The following SYT7 variants were observed in gnomAD, a reference collection of about 807,000 sequenced individuals.
SYT7 encodes synaptotagmin 7.
A neutral mutation model predicts 75.1 loss-of-function variants in SYT7; 29 were observed. The ratio of observed to expected loss-of-function variants is 0.39; its 90% CI spans 0.29 to 0.53. The LOEUF is 0.53. SYT7 is among the 20% of genes least tolerant of loss of function. SYT7 has a pLI of 0.77. For missense variants in SYT7, 693 were observed against 953.2 expected, an observed-to-expected ratio of 0.73 and a Z score of 3.59; for synonymous variants, 376 against 401.7, an observed-to-expected ratio of 0.94 and a Z score of 0.76.
intron 8 of SYT7, among the ~76,000 whole-genome samples, chr11:61,531,459 G>C (rs74926583): frequency 3.9e-4 from 59 of 149,546 alleles, no homozygotes; most frequent in Non-Finnish European, 4.1e-4. Context: ...AGTCTTCCTG[G>C]GGGGGGGAAG....
chr11:61,526,137 T>C (rs1036109746), intron 9 of SYT7: 8 of 152,218 alleles, frequency 5.3e-5, no homozygotes, highest in Admixed American at 1.3e-4. Context: ...CCAGAGACTC[T>C]GGAAGCACCG....
At chr11:61,556,486 T>G (rs556205140) in intron 1 of SYT7, among the ~76,000 whole-genome samples, 2 of 152,346 alleles carry the variant, frequency 1.3e-5, no homozygotes, top group Admixed American at 6.5e-5. Flanking sequence ...ATGGGATCTG[T>G]GCCGGCCTCC....
At position 61,517,092 on chromosome 11, in the gene SYT7, G is replaced by A. The variant is rs958262626; in HGVS notation, c.*1535C>T. 2.5e-5 allele frequency: 10 copies of A among 395,498 alleles called. No individual in the cohort carries two copies. Among genetic ancestry groups the A allele is most frequent in the Non-Finnish European group, 4.0e-5 (9 of 224,700 alleles). 24.5% of individuals were successfully genotyped at this position (395,498 alleles called of 1,614,324 possible). ...GCTAAGACCACGGCCACAGACTGTG[G>A]GGGCCTGGCGCCACCTGGCGGTAGT... On this transcript the variant is annotated 3_prime_UTR_variant, in exon 13 of 13. Coordinates refer to ENST00000539008, the MANE Select transcript of SYT7 (RefSeq NM_001365809.2).
At chr11:61,565,338 G>A (rs992441522) in intron 1 of SYT7, among the ~76,000 whole-genome samples, 1 of 152,130 alleles carries the variant, frequency 6.6e-6, no homozygotes, top group Admixed American at 6.5e-5. Context: ...GACATTTTTG[G>A]TGCCTATCCT....
chr11:61,533,741 C>T (rs1178673232), intron 7 of SYT7: 6 of 896,614 alleles, frequency 6.7e-6, no homozygotes, highest in Middle Eastern at 5.6e-4. Context: ...ACATGCCACA[C>T]GTGTGCACTT....
rs1295896013 is a variant in SYT7, at chr11:61,551,132, G to T, written c.215+252C>A. Reference sequence around the variant, plus strand: ...GGCAACCAGGGTTGAGGTGGGCGCAGAAGGTGCTGGCGGTGAGGGCAGCGG... The same window carrying T: ...GGCAACCAGGGTTGAGGTGGGCGCATAAGGTGCTGGCGGTGAGGGCAGCGG... On this transcript the variant is annotated intron_variant, in intron 3 of 12. Coordinates refer to ENST00000539008, the MANE Select transcript of SYT7 (RefSeq NM_001365809.2). The surrounding 1 kb of genome is among the most constrained non-coding windows in gnomAD (Gnocchi z 5.3). Among the ~76,000 whole-genome samples the T allele has an allele frequency of 6.6e-6, 1 of 152,172 alleles. No individual in the cohort carries two copies. Among genetic ancestry groups the T allele is most frequent in the East Asian group, 1.9e-4 (1 of 5,180 alleles).
rs1447303822 is a variant in SYT7, at chr11:61,580,910, C to T, written c.-90G>A. ...CGCCGCCGCTGGGCATGGGGCCGGG[C>T]GACCCCCGGGGGCGGGTCCGAGGGC... is the stretch of plus-strand genomic sequence containing the variant. On this transcript the variant is annotated 5_prime_UTR_variant, in exon 1 of 13. Coordinates refer to ENST00000539008, the MANE Select transcript of SYT7 (RefSeq NM_001365809.2). This position sits in a 1 kb window ranked among gnomAD's most constrained non-coding sequence, Gnocchi z 6.1. The T allele has an allele frequency of 4.5e-5, 49 of 1,080,310 alleles. No individual in the cohort carries two copies. Among genetic ancestry groups the T allele is most frequent in the Non-Finnish European group, 5.4e-5 (48 of 892,128 alleles). The allele number at this position is 1,080,310 out of a possible 1,614,324, so 66.9% of individuals were successfully genotyped here.
At chr11:61,538,346 GGAGAGAGAGAGAGAGAGAGA>G (rs58071370) in intron 6 of SYT7, 80 bp from the exon 7 acceptor site, 6 of 203,236 alleles carry the variant, frequency 3.0e-5, no homozygotes, top group East Asian at 9.2e-5. Flanking sequence ...GGAGAGAGAG[GGAGAGAGAGAGAGAGAGAGA>G]GAGAGAGAGA....
chr11:61,549,226 G>A (rs1407772227), intron 3 of SYT7, among the ~76,000 whole-genome samples: 1 of 152,160 alleles, frequency 6.6e-6, no homozygotes, highest in Non-Finnish European at 1.5e-5. Context: ...CCCACCCTGT[G>A]TTCTGAAGAG....
At chr11:61,554,470 A>G (rs1471280875) in intron 2 of SYT7, among the ~76,000 whole-genome samples, 1 of 152,118 alleles carries the variant, frequency 6.6e-6, no homozygotes, top group Non-Finnish European at 1.5e-5. Flanking sequence ...ACAGACACAC[A>G]CACACAGTGC....
chr11:61,547,066 C>A, intron 4 of SYT7, 111 bp downstream of exon 4: 1 of 1,315,902 alleles, frequency 7.6e-7, no homozygotes, highest in Admixed American at 2.3e-5. Flanking sequence ...GGGACAGGAG[C>A]GAGAGGAGAG....
chr11:61,569,758 C>G (rs2063869852), intron 1 of SYT7, among the ~76,000 whole-genome samples: 1 of 152,046 alleles, frequency 6.6e-6, no homozygotes, highest in Non-Finnish European at 1.5e-5. Context: ...AAGGAAAACC[C>G]CAGGGAGAAG....
chr11:61,586,648 T>C, the SYT7 span, among the ~76,000 whole-genome samples: 69 of 152,288 alleles, frequency 4.5e-4, no homozygotes, highest in African/African-American at 1.6e-3. Flanking sequence ...ATTGGGTGTG[T>C]GTTTGGGGTG....
At chr11:61,547,063 G>A (rs1388904075) in intron 4 of SYT7, 114 bp downstream of exon 4, 5 of 1,309,398 alleles carry the variant, frequency 3.8e-6, no homozygotes, top group East Asian at 2.6e-5. Context: ...TGGGGGACAG[G>A]AGCGAGAGGA....
At position 61,546,134 on chromosome 11, in the gene SYT7, C is replaced by T. The variant is rs1488593786; in HGVS notation, c.469G>A (p.Gly157Ser). ...PPPGEDALRS[G>S]GAAPSEPGSG... ...CCCGGCTCGCTGGGGGCAGCCCCGC[C>T]GCTTCTCAAGGCGTCCTCTCCGGGT... Residue 157 changes from glycine to serine, a missense_variant, in exon 5 of 13, where the codon GGC becomes AGC. Around this residue, in one of 2 missense-constraint regions of SYT7, gnomAD observed 487 missense variants for 593.2 expected, o/e 0.82. Coordinates refer to ENST00000539008, the MANE Select transcript of SYT7 (RefSeq NM_001365809.2). The surrounding 1 kb of genome is among the most constrained non-coding windows in gnomAD (Gnocchi z 7.6). 9.8e-6 allele frequency: 15 copies of T among 1,529,922 alleles called. No homozygotes were observed. The highest frequency in any genetic ancestry group is 7.9e-5 in the Admixed American group (4 of 50,674). 94.8% of individuals were successfully genotyped at this position (1,529,922 alleles called of 1,614,324 possible). A position where few individuals can be genotyped will look rare whatever the true frequency, so the allele number is the denominator to read the frequency against.
chr11:61,531,667 G>A (rs1337497513), intron 8 of SYT7, among the ~76,000 whole-genome samples: 1 of 152,098 alleles, frequency 6.6e-6, no homozygotes. Flanking sequence ...GCCGAGGCAG[G>A]TGGATCACTT....
chr11:61,547,546 G>A (rs1362210053), intron 3 of SYT7, among the ~76,000 whole-genome samples: 2 of 152,064 alleles, frequency 1.3e-5, no homozygotes, highest in Admixed American at 1.3e-4. Context: ...ACACACGCAC[G>A]CACTCGAGGG....
chr11:61,573,571 T>C (rs1220138139), intron 1 of SYT7, among the ~76,000 whole-genome samples: 6 of 152,244 alleles, frequency 3.9e-5, no homozygotes, highest in Admixed American at 2.6e-4. Flanking sequence ...AAGCCATCCA[T>C]GGCACTCCAT....
At chr11:61,537,979 G>A (rs2062917795) in intron 7 of SYT7, among the ~76,000 whole-genome samples, 165 bp downstream of exon 7, 1 of 152,238 alleles carries the variant, frequency 6.6e-6, no homozygotes, top group Non-Finnish European at 1.5e-5. Context: ...CCACCGAGGT[G>A]GCAGTGCGTG....
Sources: allele counts gnomAD v4.1 joint callset (sites outside exome capture counted in the v4.1 genomes callset), GRCh38; gene constraint gnomAD v4.1.1; regional missense constraint gnomAD v4.1.1; non-coding constraint Gnocchi (gnomAD v3.1); transcripts MANE v1.5; gene names NCBI Gene and HGNC (gene_info 2026-07-23, HGNC 2026-07-21).